MYT1L: variants seen among roughly 807,000 people sequenced by gnomAD.
The protein encoded by MYT1L is myelin transcription factor 1 like, also known as myelin transcription factor 1-like protein.
A neutral mutation model predicts 126.7 loss-of-function variants in MYT1L; 12 were observed. That is an observed-to-expected ratio of 0.09 (90% confidence interval 0.06 to 0.15). The LOEUF is 0.15. Ranked by LOEUF, MYT1L falls within the 10% of genes least tolerant of loss-of-function variation. The pLI is 1.00. For missense variants in MYT1L, 979 were observed against 1,585.2 expected (o/e 0.62, Z 6.49); for synonymous variants, 541 against 604.2 (o/e 0.90, Z 1.53).
intron 8 of MYT1L, among the ~76,000 whole-genome samples, chr2:1,951,919 A>T (rs925213197): frequency 3.9e-5 from 6 of 152,234 alleles, no homozygotes; most frequent in Non-Finnish European, 7.3e-5. Context: ...AAATAGTTGA[A>T]ATCATTGAAC....
rs2094414175 is a variant in MYT1L, at chr2:2,240,346, T to C, written c.-421+44058A>G. ...TTTACTATGTGACATATTTCCCAAG[T>C]AAAATATTTTATCCTTTACTTTAAA... is the stretch of plus-strand genomic sequence containing the variant. On this transcript the variant is annotated intron_variant, in intron 2 of 24. Transcript: ENST00000647738. 2.6e-5 allele frequency among the ~76,000 whole-genome samples: 4 copies of C among 152,188 alleles called. No individual in the cohort carries two copies. In the South Asian group the frequency reaches 8.3e-4, roughly 32 times the overall value.
chr2:1,992,063 C>T (rs1432288791), intron 5 of MYT1L, among the ~76,000 whole-genome samples: 2 of 152,328 alleles, frequency 1.3e-5, no homozygotes, highest in East Asian at 1.9e-4. Flanking sequence ...CCCTTAACCA[C>T]GCCCCTAATT....
chr2:2,112,202 C>A (rs1306442967), intron 3 of MYT1L, among the ~76,000 whole-genome samples: 1 of 152,166 alleles, frequency 6.6e-6, no homozygotes, highest in Non-Finnish European at 1.5e-5. Flanking sequence ...TATTCTGCAT[C>A]CCCTTTAAAA....
chr2:1,925,589 C>A (rs575627432), intron 9 of MYT1L, among the ~76,000 whole-genome samples: 1 of 152,302 alleles, frequency 6.6e-6, no homozygotes, highest in Admixed American at 6.5e-5. Context: ...AATGGACAAG[C>A]CTCTTCACAC....
intron 19 of MYT1L, chr2:1,842,882 C>T (rs2041960480): frequency 7.1e-6 from 1 of 140,192 alleles, no homozygotes; most frequent in Non-Finnish European, 1.5e-5. Flanking sequence ...CGCTTCCAGG[C>T]GCTTCCGCTT....
intron 13 of MYT1L, among the ~76,000 whole-genome samples, chr2:1,908,990 G>T (rs916327797): frequency 6.6e-6 from 1 of 152,090 alleles, no homozygotes; most frequent in Non-Finnish European, 1.5e-5. Flanking sequence ...TTCTATTCAG[G>T]GAGGAAGGGA....
In MYT1L at chr2:1,912,042, T is replaced by G; in HGVS notation, c.1687A>C (p.Ser563Arg). 4 of 1,596,008 alleles carry G rather than the reference T, an allele frequency of 2.5e-6. No homozygotes were observed. The highest frequency in any genetic ancestry group is 3.4e-6 in the Non-Finnish European group (4 of 1,167,824). The change falls in exon 12 of 25, where the codon AGC (serine) becomes CGC (arginine). Residue 563 changes from serine (S) to arginine (R), a missense_variant. Physicochemically the swap from Ser to Arg is moderately radical, Grantham distance 110. Around this residue, in one of 12 missense-constraint regions of MYT1L, gnomAD observed 82 missense variants for 177.2 expected, o/e 0.46. Coordinates refer to ENST00000647738, the MANE Select transcript of MYT1L (RefSeq NM_001303052.2). The surrounding 1 kb of genome is among the most constrained non-coding windows in gnomAD (Gnocchi z 4.3). ...TACCTTCGGTGGGAGTTCCTGTTGC[T>G]GTTGACATGCCCGCGCCCCGTGCAG... ...PGCTGRGHVN[S>R]NRNSHRSLSG...
intron 3 of MYT1L, among the ~76,000 whole-genome samples, chr2:2,098,451 T>C (rs1025434218): frequency 3.3e-5 from 5 of 152,228 alleles, no homozygotes; most frequent in Non-Finnish European, 5.9e-5. Context: ...AAATAATTTG[T>C]TGCATTAGAT....
intron 1 of MYT1L, among the ~76,000 whole-genome samples, chr2:2,286,839 G>T (rs965865392): frequency 1.3e-5 from 2 of 152,160 alleles, no homozygotes; most frequent in African/African-American, 4.8e-5. Context: ...TGCAGAAGGC[G>T]GGAAGGGTGC....
At chr2:2,223,644 A>C (rs2093938704) in intron 2 of MYT1L, among the ~76,000 whole-genome samples, 1 of 152,196 alleles carries the variant, frequency 6.6e-6, no homozygotes, top group Non-Finnish European at 1.5e-5. Context: ...ATATTTTTTT[A>C]CAAGACTTTA....
chr2:2,126,175 T>C (rs1245979462), intron 3 of MYT1L, among the ~76,000 whole-genome samples: 1 of 152,184 alleles, frequency 6.6e-6, no homozygotes, highest in Non-Finnish European at 1.5e-5. Flanking sequence ...GGAAGTTGCT[T>C]ACATGTCTTT....
chr2:2,086,418 G>A (rs900324405), intron 3 of MYT1L, among the ~76,000 whole-genome samples: 2 of 152,086 alleles, frequency 1.3e-5, no homozygotes, highest in Admixed American at 6.5e-5. Flanking sequence ...TATGGAAGGC[G>A]GTGGTGAAAC....
chr2:2,325,934 A>G (rs900850919), intron 1 of MYT1L: 1 of 152,284 alleles, frequency 6.6e-6, no homozygotes, highest in South Asian at 2.1e-4. Flanking sequence ...AGAAACAACT[A>G]TTTTTGAAGT....
intron 8 of MYT1L, among the ~76,000 whole-genome samples, chr2:1,944,359 A>G (rs1573834265): frequency 6.6e-6 from 1 of 152,268 alleles, no homozygotes; most frequent in East Asian, 1.9e-4. Flanking sequence ...TAATATATAT[A>G]CTACAAAAAA....
chr2:1,928,497 T>C (rs2054521613), intron 9 of MYT1L, among the ~76,000 whole-genome samples: 1 of 152,128 alleles, frequency 6.6e-6, no homozygotes, highest in Non-Finnish European at 1.5e-5. Context: ...CAGTGTTGCC[T>C]CCACTTCCAG....
intron 2 of MYT1L, among the ~76,000 whole-genome samples, chr2:2,234,802 A>T (rs2094244007): frequency 1.3e-5 from 2 of 152,222 alleles, no homozygotes; most frequent in African/African-American, 4.8e-5. Flanking sequence ...GAACTCAAGC[A>T]AAATAACATA....
At chr2:1,970,398 G>A (rs2059720002) in intron 8 of MYT1L, among the ~76,000 whole-genome samples, 1 of 152,208 alleles carries the variant, frequency 6.6e-6, no homozygotes, top group Admixed American at 6.5e-5. Context: ...TTAGATGGGT[G>A]TGGTGAGAGG....
At chr2:2,214,269 CT>C (rs2093615044) in intron 2 of MYT1L, among the ~76,000 whole-genome samples, 1 of 149,046 alleles carries the variant, frequency 6.7e-6, no homozygotes, top group Non-Finnish European at 1.5e-5. Flanking sequence ...ATCTATCTAT[CT>C]ATCTATCTAT....
chr2:2,184,929 T>G lies in MYT1L; in HGVS notation c.-420-11941A>C, dbSNP rs115577340. On this transcript the variant is annotated intron_variant, in intron 2 of 24. Coordinates refer to ENST00000647738, the MANE Select transcript of MYT1L (RefSeq NM_001303052.2). ...ACTGTGCAAAGCTCCACCCCATGAG[T>G]AGTTGCATTGCTTCGGGTAAGCTTC... 4.0e-3 allele frequency among the ~76,000 whole-genome samples: 615 copies of G among 152,308 alleles called. 3 individuals carry two copies. Among genetic ancestry groups the G allele is most frequent in the African/African-American group, 0.014 (595 of 41,572 alleles).
Sources: gnomAD v4.1 joint callset for allele counts (sites outside exome capture counted in the v4.1 genomes callset) on GRCh38, gnomAD v4.1.1 for gene constraint, gnomAD v4.1.1 regional missense constraint, Gnocchi (gnomAD v3.1) non-coding constraint, MANE v1.5 for transcripts, NCBI Gene and HGNC (gene_info 2026-07-23, HGNC 2026-07-21) for gene names.